Variants in SEC14L2 observed in about 807,000 individuals in gnomAD.
SEC14L2 encodes SEC14 like lipid binding 2.
A neutral mutation model predicts 56.9 loss-of-function variants in SEC14L2; 50 were observed. The ratio of observed to expected loss-of-function variants is 0.88; its 90% CI spans 0.70 to 1.11. SEC14L2 has a LOEUF of 1.11. SEC14L2 is among the 50% of genes most tolerant of loss of function. SEC14L2 has a pLI of 0.00. For synonymous variants in SEC14L2, 179 were observed against 188.5 expected (o/e 0.95, Z 0.41); for missense variants, 414 against 500.7 (o/e 0.83, Z 1.65).
At chr22:30,421,300 G>A (rs1278721714) in intron 11 of SEC14L2, 1 of 152,222 alleles carries the variant, frequency 6.6e-6, no homozygotes, top group African/African-American at 2.4e-5. Flanking sequence ...AAGCACCAGA[G>A]TGGTATCATC....
In SEC14L2 at chr22:30,423,073, C is replaced by T. The variant is rs1934565071; in HGVS notation, c.*666C>T. 6.5e-6 allele frequency: 1 copy of T among 152,730 alleles called. No individual in the cohort carries two copies. Among genetic ancestry groups the T allele is most frequent in the South Asian group, 2.1e-4 (1 of 4,832 alleles). 9.5% of individuals were successfully genotyped at this position (152,730 alleles called of 1,614,324 possible). On this transcript the variant is annotated 3_prime_UTR_variant, in exon 12 of 12. Coordinates refer to ENST00000615189, the MANE Select transcript of SEC14L2 (RefSeq NM_012429.5). ...AATGATTGTCAGTGACTCAGAGCTTCCTGGGACTTCGGGTACCCACCCGCT... is the reference window on the plus strand; with the variant it reads ...AATGATTGTCAGTGACTCAGAGCTTTCTGGGACTTCGGGTACCCACCCGCT...
intron 5 of SEC14L2, 64 bp downstream of exon 5, chr22:30,407,667 G>T: frequency 6.8e-7 from 1 of 1,469,532 alleles, no homozygotes; most frequent in South Asian, 1.2e-5. Flanking sequence ...CAGAAGCAGG[G>T]ATGTCACACA....
Position 30,422,608 on chromosome 22 carries a change from G to A in SEC14L2, c.*201G>A. On this transcript the variant is annotated 3_prime_UTR_variant, in exon 12 of 12. Coordinates refer to ENST00000615189, the MANE Select transcript of SEC14L2 (RefSeq NM_012429.5). ...TATCAAATACCTAAGGAGTCCCCAG[G>A]AGCTGGCTGGCCATCGTGATAGGAT... is the stretch of plus-strand genomic sequence containing the variant. The A allele has an allele frequency of 1.7e-6, 1 of 581,272 alleles. No homozygotes were observed. The highest frequency in any genetic ancestry group is 2.9e-6 in the Non-Finnish European group (1 of 339,980). 36.0% of individuals were successfully genotyped at this position (581,272 alleles called of 1,614,324 possible). A position where few individuals can be genotyped will look rare whatever the true frequency, so the allele number is the denominator to read the frequency against.
At chr22:30,403,841 A>G (rs1934007950) in intron 2 of SEC14L2, among the ~76,000 whole-genome samples, 1 of 151,578 alleles carries the variant, frequency 6.6e-6, no homozygotes. Context: ...GTCTCTACTA[A>G]AAATACAAAA....
In SEC14L2 at chr22:30,415,795, C is replaced by A; in HGVS notation, c.701C>A (p.Pro234His). The A allele has an allele frequency of 6.2e-7, 1 of 1,614,122 alleles. No homozygotes were observed. The highest frequency in any genetic ancestry group is 8.5e-7 in the Non-Finnish European group (1 of 1,180,018). Residue 234 changes from proline (P) to histidine (H), a missense_variant, in exon 9 of 12, where the codon CCT becomes CAT. Transcript: ENST00000615189. The stretch of plus-strand genomic sequence containing the variant: ...GAGGTTTTACTGAAACATATCAGCC[C>A]TGACCAGGTGCCTGTGGAGTATGGG... ...WKEVLLKHIS[P>H]DQVPVEYGGT... is the part of the protein sequence containing the mutation.
At chr22:30,402,995 C>T (rs1201282641) in intron 2 of SEC14L2, among the ~76,000 whole-genome samples, 2 of 152,230 alleles carry the variant, frequency 1.3e-5, no homozygotes, top group Non-Finnish European at 2.9e-5. Flanking sequence ...TGGGAAGTCA[C>T]TTAATCCAGT....
chr22:30,416,590 G>A (rs1240098132), intron 11 of SEC14L2, 187 bp downstream of exon 11: 1 of 1,479,162 alleles, frequency 6.8e-7, no homozygotes, highest in Non-Finnish European at 9.0e-7. Flanking sequence ...TGACCCAACT[G>A]GTTAACAGCA....
chr22:30,398,501 TC>T (rs1933823610), intron 1 of SEC14L2: 1 of 356,554 alleles, frequency 2.8e-6, no homozygotes, highest in South Asian at 2.1e-5. Flanking sequence ...AGGGGCCTGT[TC>T]GCCTACCAGG....
intron 2 of SEC14L2, among the ~76,000 whole-genome samples, chr22:30,404,632 C>A (rs1184013500): frequency 6.6e-6 from 1 of 152,106 alleles, no homozygotes; most frequent in East Asian, 1.9e-4. Context: ...TTGACTGTAA[C>A]AAGAGGAAAT....
At chr22:30,421,992 G>T (rs1371159304) in intron 11 of SEC14L2, among the ~76,000 whole-genome samples, 1 of 152,176 alleles carries the variant, frequency 6.6e-6, no homozygotes, top group Non-Finnish European at 1.5e-5. Context: ...CGTTTCACAT[G>T]ATTTCAGTCT....
chr22:30,401,548 CT>C (rs986400457), intron 2 of SEC14L2, among the ~76,000 whole-genome samples: 1 of 151,736 alleles, frequency 6.6e-6, no homozygotes, highest in African/African-American at 2.4e-5. Context: ...GAGTCTCACT[CT>C]GTCGCCCAGG....
intron 2 of SEC14L2, among the ~76,000 whole-genome samples, chr22:30,400,894 C>CAAAAAA (rs1185861063): frequency 1.9e-4 from 9 of 48,598 alleles, no homozygotes; most frequent in African/African-American, 6.9e-4. Flanking sequence ...GACTCCGTCT[C>CAAAAAA]AAAAAAAAAA....
At chr22:30,415,129 T>C (rs377340333) in intron 8 of SEC14L2, among the ~76,000 whole-genome samples, 1 of 152,136 alleles carries the variant, frequency 6.6e-6, no homozygotes. Context: ...TAAGGCACTT[T>C]ATGGTTTAAA....
chr22:30,402,691 CT>C (rs1242274900), intron 2 of SEC14L2, among the ~76,000 whole-genome samples: 2 of 151,808 alleles, frequency 1.3e-5, no homozygotes, highest in Non-Finnish European at 2.9e-5. Context: ...CTCACATTTC[CT>C]GGGCAGGAGC....
At chr22:30,422,127 C>T in intron 11 of SEC14L2, 150 bp from the exon 12 acceptor site, 2 of 943,926 alleles carry the variant, frequency 2.1e-6, no homozygotes, top group Admixed American at 2.7e-5. Context: ...GATTAAGTTT[C>T]AGAAGGTCAA....
chr22:30,405,257 G>C (rs780454045), intron 2 of SEC14L2, among the ~76,000 whole-genome samples: 14 of 152,164 alleles, frequency 9.2e-5, no homozygotes, highest in Non-Finnish European at 1.5e-4. Flanking sequence ...CACGATGGTA[G>C]GGGAGATGCA....
intron 1 of SEC14L2, among the ~76,000 whole-genome samples, chr22:30,398,238 G>A (rs1933815163): frequency 6.6e-6 from 1 of 152,220 alleles, no homozygotes; most frequent in Non-Finnish European, 1.5e-5. Context: ...AAGGGATTAG[G>A]TGGTGATTAA....
intron 2 of SEC14L2, 78 bp from the exon 3 acceptor site, chr22:30,406,264 G>A (rs1181989402): frequency 4.9e-6 from 7 of 1,417,176 alleles, no homozygotes; most frequent in African/African-American, 1.4e-5. Flanking sequence ...CCCTATCATG[G>A]GAATATGGGA....
In SEC14L2 at chr22:30,424,829, G is replaced by A. The variant is rs1389763291; in HGVS notation, c.*2422G>A. ...TCACCTGGGTGAACTGAGGTCCAGC[G>A]GGGGAAGGCTTCCTCCTGTTGTAAT... On this transcript the variant is annotated 3_prime_UTR_variant, in exon 12 of 12. Coordinates refer to ENST00000615189, the MANE Select transcript of SEC14L2 (RefSeq NM_012429.5). The A allele has an allele frequency of 4.4e-6, 2 of 456,496 alleles. No homozygotes were observed. Among genetic ancestry groups the A allele is most frequent in the Non-Finnish European group, 8.8e-6 (2 of 226,946 alleles). 28.3% of individuals were successfully genotyped at this position (456,496 alleles called of 1,614,324 possible).
Sources: allele counts gnomAD v4.1 joint callset (sites outside exome capture counted in the v4.1 genomes callset), GRCh38; gene constraint gnomAD v4.1.1; transcripts MANE v1.5; gene names NCBI Gene and HGNC (gene_info 2026-07-23, HGNC 2026-07-21).